The following ZNF543 variants were observed in gnomAD, a reference collection of about 807,000 sequenced individuals.
ZNF543 encodes zinc finger protein 543.
Under a neutral mutation model 13.4 loss-of-function variants are expected in ZNF543, and 10 were observed. The ratio of observed to expected loss-of-function variants is 0.75; its 90% CI spans 0.46 to 1.26. ZNF543 has a LOEUF of 1.26. Ranked by LOEUF, ZNF543 falls within the 50% of genes most tolerant of loss-of-function variation. The pLI is 0.00. For synonymous variants in ZNF543, 272 were observed against 264.7 expected (o/e 1.03, Z -0.27); for missense variants, 768 against 741.2 (o/e 1.04, Z -0.42).
rs201134391 is a variant in ZNF543, at chr19:57,328,670, C to T, written c.1208C>T (p.Ala403Val). Residue 403 changes from alanine to valine, a missense_variant, in exon 4 of 4, where the codon GCG becomes GTG. Ala to Val is a moderately conservative substitution (Grantham distance 64). Around this residue, in one of 3 missense-constraint regions of ZNF543, gnomAD observed 677 missense variants for 631.4 expected, o/e 1.07. Coordinates refer to ENST00000321545, the MANE Select transcript of ZNF543 (RefSeq NM_213598.4). Reference protein sequence around the residue: ...KPYKCMECGKAFNRRSHLKQH... With the variant: ...KPYKCMECGKVFNRRSHLKQH... ...TATAAGTGCATGGAGTGTGGGAAGGCGTTCAACCGTAGGTCACACCTCAAG... is the reference window on the plus strand; with the variant it reads ...TATAAGTGCATGGAGTGTGGGAAGGTGTTCAACCGTAGGTCACACCTCAAG... 1.2e-5 allele frequency: 19 copies of T among 1,613,560 alleles called. No homozygotes were observed. The highest frequency in any genetic ancestry group is 1.1e-4 in the South Asian group (10 of 91,052).
At chr19:57,326,853 G>A (rs1472407522) in intron 3 of ZNF543, 125 bp downstream of exon 3, 1 of 597,412 alleles carries the variant, frequency 1.7e-6, no homozygotes. Flanking sequence ...GATCCATGGA[G>A]CCTCTCCCCG....
At position 57,328,215 on chromosome 19, in the gene ZNF543, G is replaced by T; in HGVS notation, c.753G>T (p.Gly251=). 1.9e-6 allele frequency: 3 copies of T among 1,613,126 alleles called. No homozygotes were observed. The highest frequency in any genetic ancestry group is 2.5e-6 in the Non-Finnish European group (3 of 1,179,260). The part of the protein sequence containing the change: ...HLLQHLIIHT[G]EKPYKCMECG... Reference sequence around the variant, plus strand: ...TTCAGCACCTCATCATCCACACTGGGGAGAAGCCCTATAAGTGCATGGAGT... The same window carrying T: ...TTCAGCACCTCATCATCCACACTGGTGAGAAGCCCTATAAGTGCATGGAGT... Residue 251 remains glycine, a synonymous_variant, in exon 4 of 4, where the codon GGG becomes GGT. Coordinates refer to ENST00000321545, the MANE Select transcript of ZNF543 (RefSeq NM_213598.4).
At chr19:57,326,820 T>C in intron 3 of ZNF543, 92 bp downstream of exon 3, 2 of 1,035,136 alleles carry the variant, frequency 1.9e-6, no homozygotes, top group Non-Finnish European at 1.5e-6. Context: ...AATCTTCTTA[T>C]TGTGGTCTCT....
At chr19:57,320,974 C>T (rs1269312262) in intron 1 of ZNF543, 103 bp downstream of exon 1, 2 of 1,522,056 alleles carry the variant, frequency 1.3e-6, no homozygotes, top group Non-Finnish European at 9.0e-7. Flanking sequence ...TTGTCGCCGT[C>T]GTTTATTTAA....
chr19:57,323,492 G>A (rs753543767), intron 1 of ZNF543, 190 bp from the exon 2 acceptor site: 15 of 721,176 alleles, frequency 2.1e-5, no homozygotes, highest in South Asian at 1.1e-4. Flanking sequence ...GCGCCTGACC[G>A]ACACTGCTGT....
chr19:57,324,570 G>A (rs1327700788), intron 2 of ZNF543, among the ~76,000 whole-genome samples: 2 of 152,110 alleles, frequency 1.3e-5, no homozygotes, highest in East Asian at 3.8e-4. Context: ...ACTTTGTATA[G>A]TTTTTTAGTT....
At position 57,320,652 on chromosome 19, in the gene ZNF543, C is replaced by G; in HGVS notation, c.-202C>G. 1.7e-6 allele frequency: 1 copy of G among 572,456 alleles called. No homozygotes were observed. The highest frequency in any genetic ancestry group is 3.0e-6 in the Non-Finnish European group (1 of 332,672). The allele number at this position is 572,456 out of a possible 1,614,324, so 35.5% of individuals were successfully genotyped here. A position where few individuals can be genotyped will look rare whatever the true frequency, so the allele number is the denominator to read the frequency against. On this transcript the variant is annotated 5_prime_UTR_variant, in exon 1 of 4. Transcript: ENST00000321545. Reference sequence around the variant, plus strand: ...TCCCTAACGGGGTGTTCCACCGGCGCCTGCCGAGGCCTAGGCCTCCGCAGC... The same window carrying G: ...TCCCTAACGGGGTGTTCCACCGGCGGCTGCCGAGGCCTAGGCCTCCGCAGC...
At chr19:57,326,134 C>G (rs1020226103) in intron 2 of ZNF543, among the ~76,000 whole-genome samples, 1 of 152,160 alleles carries the variant, frequency 6.6e-6, no homozygotes, top group Non-Finnish European at 1.5e-5. Flanking sequence ...TTGGTACTAT[C>G]ACACAGCCAG....
intron 1 of ZNF543, among the ~76,000 whole-genome samples, chr19:57,321,093 G>A (rs1169004102): frequency 3.9e-5 from 6 of 152,144 alleles, no homozygotes; most frequent in Admixed American, 6.6e-5. Flanking sequence ...TTCCTTCATG[G>A]ATCTCATCAC....
intron 1 of ZNF543, 59 bp from the exon 2 acceptor site, chr19:57,323,623 G>C (rs760923368): frequency 6.3e-7 from 1 of 1,598,002 alleles, no homozygotes; most frequent in Non-Finnish European, 8.6e-7. Flanking sequence ...GAAGTGACAA[G>C]TTCTAGTTGT....
chr19:57,328,234 A>C lies in ZNF543; in HGVS notation c.772A>C (p.Met258Leu), dbSNP rs1210731643. The change falls in exon 4 of 4, where the codon ATG becomes CTG. Residue 258 changes from methionine to leucine, a missense_variant. Around this residue, in one of 3 missense-constraint regions of ZNF543, gnomAD observed 677 missense variants for 631.4 expected, o/e 1.07. Coordinates refer to ENST00000321545, the MANE Select transcript of ZNF543 (RefSeq NM_213598.4). ...CACTGGGGAGAAGCCCTATAAGTGC[A>C]TGGAGTGTGGGAAGGCTTTTAACCG... is the stretch of plus-strand genomic sequence containing the variant. The part of the protein sequence containing the change: ...IHTGEKPYKC[M>L]ECGKAFNRRS... The C allele has an allele frequency of 1.2e-6, 2 of 1,613,480 alleles. No homozygotes were observed. The highest frequency in any genetic ancestry group is 3.3e-5 in the Admixed American group (2 of 59,998).
Position 57,328,539 on chromosome 19 carries a change from G to C in ZNF543, c.1077G>C (p.Gln359His). 1 of 1,614,142 alleles carries C rather than the reference G, an allele frequency of 6.2e-7. No homozygotes were observed. Residue 359 changes from glutamine (Q) to histidine (H), a missense_variant, in exon 4 of 4, where the codon CAG (glutamine) becomes CAC (histidine). By Grantham distance (24) the Gln-to-His change is conservative (BLOSUM62 0). This residue lies in a region of ZNF543 where 677 missense variants were observed against 631.4 expected (regional missense o/e 1.07). Coordinates refer to ENST00000321545, the MANE Select transcript of ZNF543 (RefSeq NM_213598.4). ...NRRSYLTWHQ[Q>H]IHTGVKPFEC... ...GGTCATACCTCACGTGGCACCAACA[G>C]ATTCACACTGGAGTGAAACCCTTTG...
In ZNF543 at chr19:57,328,553, T is replaced by C; in HGVS notation, c.1091T>C (p.Val364Ala). ...TGGCACCAACAGATTCACACTGGAG[T>C]GAAACCCTTTGAATGCAACGAGTGT... ...LTWHQQIHTG[V>A]KPFECNECGK... is the part of the protein sequence containing the mutation. Residue 364 changes from valine to alanine, a missense_variant, in exon 4 of 4, where the codon GTG (valine) becomes GCG (alanine). Val to Ala is a moderately conservative substitution (Grantham distance 64, BLOSUM62 0). Around this residue, in one of 3 missense-constraint regions of ZNF543, gnomAD observed 677 missense variants for 631.4 expected, o/e 1.07. Transcript: ENST00000321545. 1 of 1,598,734 alleles carries C rather than the reference T, an allele frequency of 6.3e-7. No homozygotes were observed.
chr19:57,323,769 G>A lies in ZNF543; in HGVS notation c.106G>A (p.Glu36Lys), dbSNP rs1457038889. ...TGCAGCCCAGAGAACCTTGTATCAGGAGGTGATGCTGGAGACCTGCGGACT... is the reference window on the plus strand; with the variant it reads ...TGCAGCCCAGAGAACCTTGTATCAGAAGGTGATGCTGGAGACCTGCGGACT... ...LDAAQRTLYQ[E>K]VMLETCGLLM... Residue 36 changes from glutamate to lysine, a missense_variant, in exon 2 of 4, where the codon GAG becomes AAG. Around this residue, in one of 3 missense-constraint regions of ZNF543, gnomAD observed 77 missense variants for 75.5 expected, o/e 1.02. Transcript: ENST00000321545. The A allele has an allele frequency of 1.9e-6, 3 of 1,613,480 alleles. No individual in the cohort carries two copies. In the African/African-American group the frequency reaches 4.0e-5, roughly 22 times the overall value.
intron 2 of ZNF543, 40 bp from the exon 3 acceptor site, chr19:57,326,593 A>T (rs2088122128): frequency 6.5e-7 from 1 of 1,530,092 alleles, no homozygotes; most frequent in South Asian, 1.1e-5. Context: ...TCTTTCTTCT[A>T]ACCTAACTCC....
intron 2 of ZNF543, among the ~76,000 whole-genome samples, chr19:57,324,473 C>A (rs1299892423): frequency 6.6e-6 from 1 of 152,126 alleles, no homozygotes; most frequent in African/African-American, 2.4e-5. Flanking sequence ...ATTGTGACCT[C>A]TGTTGCTGTC....
Position 57,328,593 on chromosome 19 carries a change from C to T in ZNF543, c.1131C>T (p.Cys377=), listed in dbSNP as rs757675078. 1.1e-5 allele frequency: 18 copies of T among 1,611,854 alleles called. No individual in the cohort carries two copies. Among genetic ancestry groups the T allele is most frequent in the African/African-American group, 4.1e-5 (3 of 74,070 alleles). ...FECNECGKAF[C]ESADLIQHYI... ...GCAACGAGTGTGGAAAAGCTTTTTG[C>T]GAGAGTGCAGACCTCATTCAACACT... Residue 377 remains cysteine (C), a synonymous_variant, in exon 4 of 4, where the codon TGC becomes TGT. Transcript: ENST00000321545.
chr19:57,320,752 G>A lies in ZNF543; in HGVS notation c.-102G>A. 1 of 1,449,260 alleles carries A rather than the reference G, an allele frequency of 6.9e-7. No individual in the cohort carries two copies. The allele number at this position is 1,449,260 out of a possible 1,614,324, so 89.8% of individuals were successfully genotyped here. ...TTCTCTGGGGAAACTGAGGCTCCGA[G>A]TGCGAAAGTCAGCCGAGGTCGCCCC... On this transcript the variant is annotated 5_prime_UTR_variant, in exon 1 of 4. The change creates a new upstream start codon in the 5' untranslated region. Coordinates refer to ENST00000321545, the MANE Select transcript of ZNF543 (RefSeq NM_213598.4).
At chr19:57,323,926 A>G (rs1261404737) in intron 2 of ZNF543, 118 bp downstream of exon 2, 3 of 1,346,422 alleles carry the variant, frequency 2.2e-6, no homozygotes, top group Admixed American at 4.3e-5. Context: ...GGTGTTCACC[A>G]TTGGCTCTGA....
Sources: allele counts gnomAD v4.1 joint callset (sites outside exome capture counted in the v4.1 genomes callset), GRCh38; gene constraint gnomAD v4.1.1; regional missense constraint gnomAD v4.1.1; transcripts MANE v1.5; gene names NCBI Gene and HGNC (gene_info 2026-07-23, HGNC 2026-07-21).